The following CAP2 variants were observed in gnomAD, a reference collection of about 807,000 sequenced individuals.
CAP2 encodes the protein adenylyl cyclase-associated protein 2.
A neutral mutation model predicts 57.7 loss-of-function variants in CAP2; 24 were observed. The ratio of observed to expected loss-of-function variants is 0.42; its 90% confidence interval spans 0.30 to 0.58. The LOEUF is 0.58. Among genes scored for constraint, CAP2 ranks in the 20% least tolerant of loss-of-function variants. CAP2 has a pLI of 0.22. For synonymous variants in CAP2, 194 were observed against 207.2 expected (o/e 0.94, Z 0.55); for missense variants, 501 against 590.3 (o/e 0.85, Z 1.57).
intron 4 of CAP2, among the ~76,000 whole-genome samples, chr6:17,498,459 C>T (rs1761721231): frequency 6.6e-6 from 1 of 152,126 alleles, no homozygotes; most frequent in South Asian, 2.1e-4. Flanking sequence ...GCCCAATTTG[C>T]AACTGCAAGT....
chr6:17,501,896 C>G (rs552837372), intron 4 of CAP2, among the ~76,000 whole-genome samples: 2 of 152,216 alleles, frequency 1.3e-5, no homozygotes, highest in Non-Finnish European at 2.9e-5. Context: ...GTTCATGCAT[C>G]TCTTCCATGT....
chr6:17,506,855 C>G (rs1761999655), intron 4 of CAP2, among the ~76,000 whole-genome samples: 1 of 152,264 alleles, frequency 6.6e-6, no homozygotes, highest in Admixed American at 6.5e-5. Flanking sequence ...ATGATCAACA[C>G]TCAATTTCAC....
intron 6 of CAP2, among the ~76,000 whole-genome samples, chr6:17,508,944 G>A (rs1338764996): frequency 6.6e-6 from 1 of 151,958 alleles, no homozygotes; most frequent in African/African-American, 2.4e-5. Flanking sequence ...ATTTAGTAGA[G>A]ACGGAGTTTC....
intron 3 of CAP2, among the ~76,000 whole-genome samples, chr6:17,446,594 T>C (rs73721550): frequency 0.016 from 2,445 of 152,330 alleles, 50 homozygotes; most frequent in African/African-American, 0.051. Flanking sequence ...TGGAGGGATA[T>C]TCATTGAATT....
chr6:17,455,327 T>C (rs889380952), intron 3 of CAP2, among the ~76,000 whole-genome samples: 2 of 151,436 alleles, frequency 1.3e-5, no homozygotes, highest in African/African-American at 4.9e-5. Flanking sequence ...CAACTTAAAT[T>C]ACACACTGTG....
intron 4 of CAP2, among the ~76,000 whole-genome samples, chr6:17,498,986 C>T (rs1002325796): frequency 6.6e-6 from 1 of 152,006 alleles, no homozygotes; most frequent in Non-Finnish European, 1.5e-5. Context: ...TCCTCGGCCT[C>T]CCAAAGTGCT....
chr6:17,457,981 C>T (rs1436953391), intron 3 of CAP2, among the ~76,000 whole-genome samples: 1 of 152,124 alleles, frequency 6.6e-6, no homozygotes, highest in Admixed American at 6.5e-5. Context: ...GAGGACGTTA[C>T]CTCTATATTA....
At chr6:17,536,401 T>C (rs1762775071) in intron 7 of CAP2, 1 of 421,732 alleles carries the variant, frequency 2.4e-6, no homozygotes, top group South Asian at 1.7e-5. Flanking sequence ...GGTATTGTGC[T>C]CTTGCTGGGG....
At chr6:17,394,427 A>T (rs1758620772) in intron 1 of CAP2, among the ~76,000 whole-genome samples, 1 of 152,178 alleles carries the variant, frequency 6.6e-6, no homozygotes, top group South Asian at 2.1e-4. Context: ...ATCAACCTGC[A>T]GATGGCCTTT....
At chr6:17,432,956 CCTCT>C (rs1361846783) in intron 3 of CAP2, among the ~76,000 whole-genome samples, 2 of 141,398 alleles carry the variant, frequency 1.4e-5, no homozygotes, top group Non-Finnish European at 3.1e-5. Context: ...TCCCTCCCTC[CCTCT>C]CTCCCCCCTC....
At chr6:17,479,638 G>A (rs373269448) in intron 4 of CAP2, among the ~76,000 whole-genome samples, 4 of 137,428 alleles carry the variant, frequency 2.9e-5, no homozygotes, top group African/African-American at 1.1e-4. Flanking sequence ...TTGAGACAGA[G>A]TCTCACTTTG....
At chr6:17,470,708 AC>A (rs1456468524) in intron 4 of CAP2, among the ~76,000 whole-genome samples, 22 of 152,322 alleles carry the variant, frequency 1.4e-4, no homozygotes, top group African/African-American at 5.3e-4. Flanking sequence ...GGGGAATTTA[AC>A]CCACCTCTAT....
chr6:17,466,814 C>T (rs943829587), intron 4 of CAP2, among the ~76,000 whole-genome samples: 4 of 152,044 alleles, frequency 2.6e-5, no homozygotes, highest in South Asian at 2.1e-4. Context: ...CAAAGTAGGC[C>T]GTGTTATGCT....
Position 17,511,618 on chromosome 6 carries a change from A to AT in CAP2, c.531-2224dup, listed in dbSNP as rs1365597466. ...AGGCATGCACCACCACACCCAGCTA[A>AT]TTTTTTTGCATTTTTAGTGGAGACG... On this transcript the variant is annotated intron_variant, in intron 6 of 12. Transcript: ENST00000229922. 3.3e-5 allele frequency among the ~76,000 whole-genome samples: 5 copies of AT among 151,790 alleles called. No homozygotes were observed. The East Asian group carries it at 5.8e-4, about 18-fold the overall frequency.
At chr6:17,525,950 A>G (rs1312329308) in intron 7 of CAP2, among the ~76,000 whole-genome samples, 1 of 152,202 alleles carries the variant, frequency 6.6e-6, no homozygotes, top group Non-Finnish European at 1.5e-5. Flanking sequence ...TGAGATCAGT[A>G]GCAGTGACTG....
chr6:17,447,799 A>G (rs184941573), intron 3 of CAP2, among the ~76,000 whole-genome samples: 10 of 152,346 alleles, frequency 6.6e-5, no homozygotes, highest in Non-Finnish European at 1.3e-4. Context: ...CACCTGGCCA[A>G]GAGTTTTTAA....
chr6:17,397,954 T>C (rs1452149164), intron 1 of CAP2, among the ~76,000 whole-genome samples: 5 of 152,078 alleles, frequency 3.3e-5, no homozygotes, highest in African/African-American at 1.2e-4. Context: ...CTGATTCTCC[T>C]TTGACTTACA....
chr6:17,442,078 C>A lies in CAP2; in HGVS notation c.222+15388C>A, dbSNP rs1482869109. Among the ~76,000 whole-genome samples the A allele has an allele frequency of 2.0e-5, 3 of 152,126 alleles. No individual in the cohort carries two copies. In the East Asian group the frequency reaches 5.8e-4, roughly 29 times the overall value. ...CCACAATGACATTAGCCTTTCCTGG[C>A]CTGTTTTCAGTAGTTGATACTTTAG... On this transcript the variant is annotated intron_variant, in intron 3 of 12. Transcript: ENST00000229922.
intron 1 of CAP2, among the ~76,000 whole-genome samples, chr6:17,407,508 G>A (rs1759012135): frequency 6.6e-6 from 1 of 150,920 alleles, no homozygotes; most frequent in East Asian, 1.9e-4. Context: ...CAGGCGCATT[G>A]CCTCACGCCT....
Sources: gnomAD v4.1 joint callset for allele counts (sites outside exome capture counted in the v4.1 genomes callset) on GRCh38, gnomAD v4.1.1 for gene constraint, MANE v1.5 for transcripts, NCBI Gene and HGNC (gene_info 2026-07-23, HGNC 2026-07-21) for gene names.